Variants in HABP4 observed in about 807,000 individuals in gnomAD.
HABP4 encodes hyaluronan binding protein 4, also known as intracellular hyaluronan-binding protein 4.
HABP4 carries 32 observed loss-of-function variants against 44.1 expected under a neutral mutation model. The observed-to-expected ratio is 0.73, with a 90% confidence interval of 0.55 to 0.97. The LOEUF (loss-of-function observed/expected upper bound fraction) is 0.97. Ranked by LOEUF, HABP4 falls within the 50% of genes least tolerant of loss-of-function variation. The pLI is 0.00. For missense variants in HABP4, 503 were observed against 561.9 expected (o/e 0.90, Z 1.06); for synonymous variants, 216 against 218.0 (o/e 0.99, Z 0.08).
At chr9:96,489,462 T>TC (rs2131166417) in intron 7 of HABP4, among the ~76,000 whole-genome samples, 1 of 151,780 alleles carries the variant, frequency 6.6e-6, no homozygotes, top group South Asian at 2.1e-4. Flanking sequence ...AAGTCCTTGT[T>TC]CCCTTTGCTC....
intron 2 of HABP4, among the ~76,000 whole-genome samples, chr9:96,464,165 C>G (rs2131128881): frequency 6.6e-6 from 1 of 152,176 alleles, no homozygotes; most frequent in African/African-American, 2.4e-5. Context: ...TTGGGAATCA[C>G]AGGAGGAATA....
chr9:96,484,543 C>A lies in HABP4; in HGVS notation c.909C>A (p.Thr303=). ...LDEWKNLQEQ[T]RPKPEFNIRK... ...AGTGGAAAAATCTTCAAGAACAGAC[C>A]AGACCAAAGCCTGAGTTTAACATCC... The change falls in exon 6 of 8, where the codon ACC becomes ACA. Residue 303 remains threonine (T), a synonymous_variant. Coordinates refer to ENST00000375249, the MANE Select transcript of HABP4 (RefSeq NM_014282.4). 6.3e-7 allele frequency: 1 copy of A among 1,588,278 alleles called. No homozygotes were observed.
At chr9:96,479,801 G>A (rs541585470) in intron 5 of HABP4, among the ~76,000 whole-genome samples, 102 of 151,420 alleles carry the variant, frequency 6.7e-4, no homozygotes, top group African/African-American at 2.3e-3. Flanking sequence ...AGGAGCCACC[G>A]TGCCCAGCCA....
At chr9:96,487,801 G>C (rs1479370521) in intron 6 of HABP4, among the ~76,000 whole-genome samples, 1 of 152,140 alleles carries the variant, frequency 6.6e-6, no homozygotes, top group Non-Finnish European at 1.5e-5. Flanking sequence ...ATAGAAATTT[G>C]GTCCCACTTG....
intron 5 of HABP4, chr9:96,483,360 G>C (rs1372107266): frequency 6.6e-6 from 1 of 151,184 alleles, no homozygotes; most frequent in Non-Finnish European, 1.5e-5. Flanking sequence ...CTTGTATCTA[G>C]AATTCATAAA....
intron 4 of HABP4, among the ~76,000 whole-genome samples, chr9:96,469,177 A>G (rs1286126846): frequency 6.6e-6 from 1 of 152,252 alleles, no homozygotes; most frequent in Middle Eastern, 3.2e-3. Flanking sequence ...GAATTTTTCC[A>G]TCTGCAATAA....
At chr9:96,472,027 G>T (rs2131140442) in intron 5 of HABP4, among the ~76,000 whole-genome samples, 1 of 152,188 alleles carries the variant, frequency 6.6e-6, no homozygotes, top group Non-Finnish European at 1.5e-5. Flanking sequence ...AACCTCAGGT[G>T]ATCCGCCCAT....
At chr9:96,454,744 G>A (rs1288790536) in intron 1 of HABP4, among the ~76,000 whole-genome samples, 1 of 152,062 alleles carries the variant, frequency 6.6e-6, no homozygotes, top group Non-Finnish European at 1.5e-5. Flanking sequence ...CACCGCGCCT[G>A]GCCCCAGTTC....
At chr9:96,466,946 G>A (rs1225002732) in intron 4 of HABP4, among the ~76,000 whole-genome samples, 22 of 142,962 alleles carry the variant, frequency 1.5e-4, no homozygotes, top group African/African-American at 3.7e-4. Flanking sequence ...TTTTTGAGAC[G>A]GAGTCTTGCT....
intron 5 of HABP4, among the ~76,000 whole-genome samples, chr9:96,474,565 G>A (rs1336163349): frequency 1.3e-5 from 2 of 152,154 alleles, no homozygotes; most frequent in Admixed American, 6.5e-5. Flanking sequence ...TGCTGACCTG[G>A]GGGGAAAGTG....
chr9:96,469,992 G>A (rs1439406977), intron 4 of HABP4, among the ~76,000 whole-genome samples: 1 of 151,988 alleles, frequency 6.6e-6, no homozygotes, highest in East Asian at 1.9e-4. Flanking sequence ...TTTCTTTTCT[G>A]TAAAATCAGC....
At chr9:96,453,144 G>T (rs1832316866) in intron 1 of HABP4, among the ~76,000 whole-genome samples, 1 of 136,748 alleles carries the variant, frequency 7.3e-6, no homozygotes, top group South Asian at 2.3e-4. Context: ...TTGACTCACT[G>T]CAACCTCTGC....
chr9:96,485,314 G>A (rs896710896), intron 6 of HABP4, among the ~76,000 whole-genome samples: 1 of 152,146 alleles, frequency 6.6e-6, no homozygotes, highest in Non-Finnish European at 1.5e-5. Context: ...GCCTTCTAAA[G>A]TGCTGGGATT....
At chr9:96,483,292 C>T (rs7039472) in intron 5 of HABP4, 35,260 of 151,974 alleles carry the variant, frequency 0.23, 5,101 homozygotes, top group African/African-American at 0.41. Flanking sequence ...GAAAAATGTT[C>T]ACTCAGATCC....
At chr9:96,463,572 A>G (rs1298313631) in intron 2 of HABP4, among the ~76,000 whole-genome samples, 1 of 151,950 alleles carries the variant, frequency 6.6e-6, no homozygotes, top group African/African-American at 2.4e-5. Flanking sequence ...GATATTTGCT[A>G]TAGTTTAGGA....
At chr9:96,472,926 T>C (rs368897189) in intron 5 of HABP4, among the ~76,000 whole-genome samples, 5 of 152,238 alleles carry the variant, frequency 3.3e-5, no homozygotes, top group Non-Finnish European at 7.3e-5. Flanking sequence ...TTTGACTTTA[T>C]TGATTTCTTC....
intron 1 of HABP4, among the ~76,000 whole-genome samples, chr9:96,456,998 T>G (rs1295169137): frequency 6.6e-6 from 1 of 151,628 alleles, no homozygotes; most frequent in Non-Finnish European, 1.5e-5. Flanking sequence ...TTCTCCACAA[T>G]GTATTTACCA....
chr9:96,482,476 CTTTT>C (rs1246323620), intron 5 of HABP4, among the ~76,000 whole-genome samples: 1 of 152,056 alleles, frequency 6.6e-6, no homozygotes, highest in Non-Finnish European at 1.5e-5. Flanking sequence ...TTCTGTTTTT[CTTTT>C]TTTGTGTGTA....
At chr9:96,451,583 A>G (rs1406789663) in intron 1 of HABP4, 1 of 517,646 alleles carries the variant, frequency 1.9e-6, no homozygotes, top group South Asian at 8.4e-5. Context: ...TCCTTGCTTG[A>G]TAAAAATTGT....
Sources: gnomAD v4.1 joint callset for allele counts (sites outside exome capture counted in the v4.1 genomes callset) on GRCh38, gnomAD v4.1.1 for gene constraint, MANE v1.5 for transcripts, NCBI Gene and HGNC (gene_info 2026-07-23, HGNC 2026-07-21) for gene names.